The following UNC13C variants were observed in gnomAD, a reference collection of about 807,000 sequenced individuals.
UNC13C encodes the protein protein unc-13 homolog C.
Under a neutral mutation model 245.4 loss-of-function variants are expected in UNC13C, and 174 were observed. The observed-to-expected ratio is 0.71, with a 90% CI of 0.63 to 0.80. The LOEUF is 0.80. Among genes scored for constraint, UNC13C ranks in the 30% least tolerant of loss-of-function variants. The pLI is 0.00. For missense variants in UNC13C, 2,829 were observed against 2,602.9 expected, an observed-to-expected ratio of 1.09 and a Z score of -1.89; for synonymous variants, 992 against 895.1, an observed-to-expected ratio of 1.11 and a Z score of -1.93.
At chr15:54,203,849 CGTATAT>C (rs1567095076) in intron 4 of UNC13C, among the ~76,000 whole-genome samples, 2 of 94,416 alleles carry the variant, frequency 2.1e-5, no homozygotes, top group African/African-American at 3.4e-5. Flanking sequence ...TACATATACA[CGTATAT>C]ATACATATAT....
intron 23 of UNC13C, among the ~76,000 whole-genome samples, chr15:54,510,662 G>A (rs1894696951): frequency 6.6e-6 from 1 of 152,126 alleles, no homozygotes; most frequent in African/African-American, 2.4e-5. Context: ...TCATTAATGT[G>A]GCTCAAGTAA....
At chr15:54,249,211 T>G (rs2036075560) in intron 7 of UNC13C, among the ~76,000 whole-genome samples, 1 of 143,282 alleles carries the variant, frequency 7.0e-6, no homozygotes, top group African/African-American at 2.7e-5. Flanking sequence ...TCTATTGGCC[T>G]GTGTTTATTG....
intron 2 of UNC13C, among the ~76,000 whole-genome samples, chr15:54,123,996 G>A (rs749220723): frequency 6.6e-6 from 1 of 152,068 alleles, no homozygotes; most frequent in African/African-American, 2.4e-5. Flanking sequence ...ATAATGCCCT[G>A]AGATCTATTC....
intron 4 of UNC13C, among the ~76,000 whole-genome samples, chr15:54,215,005 T>C (rs2034997437): frequency 6.6e-6 from 1 of 151,920 alleles, no homozygotes; most frequent in African/African-American, 2.4e-5. Flanking sequence ...GCATTTTTTG[T>C]TTTCTGTTCT....
chr15:53,847,798 C>T, the UNC13C span, among the ~76,000 whole-genome samples: 1 of 152,112 alleles, frequency 6.6e-6, no homozygotes, highest in African/African-American at 2.4e-5. Flanking sequence ...AAACATGCAC[C>T]ATTGTGATAA....
At chr15:53,918,740 A>G in the UNC13C span, among the ~76,000 whole-genome samples, 1 of 152,202 alleles carries the variant, frequency 6.6e-6, no homozygotes. Flanking sequence ...TAAAGTGAGG[A>G]TTCTGAAGCC....
At position 54,014,281 on chromosome 15, in the gene UNC13C, C is replaced by G. The variant is rs773345768; in HGVS notation, c.1378C>G (p.Leu460Val). ...DDSDEDLESDLNRNSYAVLSK... is the reference protein window; with the variant it reads ...DDSDEDLESDVNRNSYAVLSK... ...CAGTGATGAAGATCTTGAATCTGAC[C>G]TCAATAGAAACAGTTACGCTGTGCT... The change falls in exon 2 of 33, where the codon CTC becomes GTC. Residue 460 changes from leucine to valine, a missense_variant. Leu to Val is a conservative substitution (Grantham distance 32, BLOSUM62 1). Coordinates refer to ENST00000260323, the MANE Select transcript of UNC13C (RefSeq NM_001080534.3). 13 of 1,613,846 alleles carry G rather than the reference C, an allele frequency of 8.1e-6. No homozygotes were observed. In the South Asian group the frequency reaches 1.2e-4, roughly 15 times the overall value.
chr15:53,888,386 A>G, the UNC13C span, among the ~76,000 whole-genome samples: 4 of 151,830 alleles, frequency 2.6e-5, no homozygotes, highest in African/African-American at 7.3e-5. Context: ...GCTTTGCCCA[A>G]TTTTTAATAG....
intron 18 of UNC13C, among the ~76,000 whole-genome samples, chr15:54,412,668 T>A (rs1460521356): frequency 1.3e-5 from 2 of 152,348 alleles, no homozygotes; most frequent in Admixed American, 6.5e-5. Context: ...CTTAAATTAG[T>A]TTTTTAGACA....
intron 10 of UNC13C, among the ~76,000 whole-genome samples, chr15:54,278,108 G>T (rs982093339): frequency 6.6e-6 from 1 of 151,972 alleles, no homozygotes; most frequent in African/African-American, 2.4e-5. Context: ...ACCATCTTTG[G>T]CCACTCCATC....
At chr15:54,366,905 C>T (rs561126489) in intron 17 of UNC13C, among the ~76,000 whole-genome samples, 127 of 152,216 alleles carry the variant, frequency 8.3e-4, no homozygotes, top group Non-Finnish European at 4.7e-4. Flanking sequence ...TGTTACAGCA[C>T]AGCAGGATAC....
intron 12 of UNC13C, among the ~76,000 whole-genome samples, chr15:54,299,628 G>T (rs1032309926): frequency 6.6e-6 from 1 of 152,058 alleles, no homozygotes; most frequent in African/African-American, 2.4e-5. Context: ...TATCTAAAGT[G>T]CCTTAGGAAG....
At chr15:53,998,429 T>G (rs543667270) in intron 1 of UNC13C, among the ~76,000 whole-genome samples, 1 of 152,330 alleles carries the variant, frequency 6.6e-6, no homozygotes, top group Non-Finnish European at 1.5e-5. Flanking sequence ...AATTTTTTAC[T>G]GCTAGTAGTG....
intron 4 of UNC13C, among the ~76,000 whole-genome samples, chr15:54,180,241 T>C (rs1343452034): frequency 1.3e-5 from 2 of 152,070 alleles, no homozygotes; most frequent in Non-Finnish European, 1.5e-5. Context: ...CATTTTTAAG[T>C]GATTACATGA....
At chr15:54,153,691 G>T (rs1300068636) in intron 4 of UNC13C, among the ~76,000 whole-genome samples, 1 of 152,030 alleles carries the variant, frequency 6.6e-6, no homozygotes, top group African/African-American at 2.4e-5. Context: ...GGTCTGAAAA[G>T]ATTTCTAAGT....
At chr15:54,126,882 A>G (rs994090243) in intron 2 of UNC13C, among the ~76,000 whole-genome samples, 2 of 152,214 alleles carry the variant, frequency 1.3e-5, no homozygotes, top group Non-Finnish European at 2.9e-5. Flanking sequence ...AACCCCATCA[A>G]AGAGTGGGTG....
intron 13 of UNC13C, among the ~76,000 whole-genome samples, chr15:54,314,592 G>A (rs1301419948): frequency 1.3e-5 from 2 of 151,638 alleles, no homozygotes; most frequent in Middle Eastern, 3.4e-3. Context: ...AAGAAAAAAA[G>A]AATTAGAAAA....
At chr15:54,466,894 C>G (rs1187844442) in intron 19 of UNC13C, among the ~76,000 whole-genome samples, 4 of 151,830 alleles carry the variant, frequency 2.6e-5, no homozygotes, top group Non-Finnish European at 4.4e-5. Flanking sequence ...CAAGAAGCAT[C>G]TTAAAATATT....
intron 2 of UNC13C, among the ~76,000 whole-genome samples, chr15:54,140,951 A>G (rs576427531): frequency 6.6e-6 from 1 of 152,344 alleles, no homozygotes; most frequent in Non-Finnish European, 1.5e-5. Context: ...TGTTCAGTGA[A>G]TGAATGAAAC....
Sources: allele counts gnomAD v4.1 joint callset (sites outside exome capture counted in the v4.1 genomes callset), GRCh38; gene constraint gnomAD v4.1.1; transcripts MANE v1.5; gene names NCBI Gene and HGNC (gene_info 2026-07-23, HGNC 2026-07-21).